The following DDHD1 variants were observed in gnomAD, a reference collection of about 807,000 sequenced individuals.
DDHD1 encodes the protein DDHD domain containing 1.
A neutral mutation model predicts 96.4 loss-of-function variants in DDHD1; 49 were observed. The observed-to-expected ratio is 0.51, with a 90% CI of 0.40 to 0.64. DDHD1 has a LOEUF of 0.64. DDHD1 is among the 30% of genes least tolerant of loss of function. The pLI is 0.00. For synonymous variants in DDHD1, 442 were observed against 446.5 expected, an observed-to-expected ratio of 0.99 and a Z score of 0.13; for missense variants, 1,106 against 1,161.2, an observed-to-expected ratio of 0.95 and a Z score of 0.69.
intron 4 of DDHD1, among the ~76,000 whole-genome samples, chr14:53,074,891 C>A (rs1023719705): frequency 2.6e-5 from 4 of 152,124 alleles, no homozygotes; most frequent in African/African-American, 7.2e-5. Flanking sequence ...GTCTCTGTGT[C>A]ACATTTTGTA....
intron 7 of DDHD1, 23 bp from the exon 8 acceptor site, chr14:53,061,224 A>C (rs778681587): frequency 1.9e-6 from 3 of 1,584,278 alleles, no homozygotes; most frequent in Non-Finnish European, 2.6e-6. Context: ...ATGAGATTAT[A>C]TACACACACG....
intron 4 of DDHD1, among the ~76,000 whole-genome samples, chr14:53,076,765 A>T (rs1305018562): frequency 6.6e-6 from 1 of 152,202 alleles, no homozygotes; most frequent in Non-Finnish European, 1.5e-5. Flanking sequence ...GCAGCCATCA[A>T]CATGGACGCA....
chr14:53,098,649 G>A (rs1373710938), intron 2 of DDHD1, among the ~76,000 whole-genome samples: 1 of 152,068 alleles, frequency 6.6e-6, no homozygotes, highest in Non-Finnish European at 1.5e-5. Context: ...ACCAAAGAGA[G>A]AAGAAAAGGA....
intron 4 of DDHD1, among the ~76,000 whole-genome samples, chr14:53,080,182 A>C (rs1885338279): frequency 6.6e-6 from 1 of 152,194 alleles, no homozygotes; most frequent in Admixed American, 6.5e-5. Flanking sequence ...CAACATGGTG[A>C]AATCCCAACT....
In DDHD1 at chr14:53,073,778, C is replaced by G. The variant is rs1884726483; in HGVS notation, c.1359G>C (p.Leu453=). 2 of 1,610,312 alleles carry G rather than the reference C, an allele frequency of 1.2e-6. No individual in the cohort carries two copies. Among genetic ancestry groups the G allele is most frequent in the East Asian group, 2.2e-5 (1 of 44,662 alleles). The part of the protein sequence containing the change: ...FSNHATHVEF[L]PVEWRSKLTL... ...TAAGTTTTGACCGCCACTCAACAGG[C>G]AGAAATTCAACATGTGTTGCATGGT... Residue 453 remains leucine, a synonymous_variant, in exon 5 of 13, where the codon CTG becomes CTC. Transcript: ENST00000673822.
chr14:53,140,914 G>A (rs139749606), intron 1 of DDHD1, among the ~76,000 whole-genome samples: 16 of 152,228 alleles, frequency 1.1e-4, no homozygotes, highest in Non-Finnish European at 1.9e-4. Context: ...AATCTAGAGT[G>A]GCTATATTAG....
rs1234211521 is a variant in DDHD1 at position 53,051,855 on chromosome 14, T to A, written c.2510A>T (p.Asp837Val). ...GACATATACCATACCGAGGGCATTA[T>A]CTTTATTCTGCATTACATTTTCCGG... ...LFPENVMQNK[D>V]NALVELDHRI... Residue 837 changes from aspartate to valine, a missense_variant, in exon 12 of 13, where the codon GAT (aspartate) becomes GTT (valine). Transcript: ENST00000673822. The A allele has an allele frequency of 6.3e-7, 1 of 1,596,510 alleles. No individual in the cohort carries two copies. The highest frequency in any genetic ancestry group is 8.5e-7 in the Non-Finnish European group (1 of 1,170,024).
intron 9 of DDHD1, among the ~76,000 whole-genome samples, chr14:53,057,012 C>T (rs968606457): frequency 2.6e-5 from 4 of 152,070 alleles, no homozygotes; most frequent in Admixed American, 2.6e-4. Flanking sequence ...TCCTAGAAGG[C>T]AAAATATTAT....
At chr14:53,086,972 C>CAAAA (rs60569444) in intron 4 of DDHD1, among the ~76,000 whole-genome samples, 23 of 52,218 alleles carry the variant, frequency 4.4e-4, no homozygotes, top group South Asian at 9.9e-4. Context: ...AAATGAAAAG[C>CAAAA]AAAAAAAAAA....
At chr14:53,083,802 C>A (rs891750317) in intron 4 of DDHD1, among the ~76,000 whole-genome samples, 1 of 152,114 alleles carries the variant, frequency 6.6e-6, no homozygotes, top group East Asian at 1.9e-4. Flanking sequence ...ATGCAGAATT[C>A]CTTTTTATAT....
chr14:53,137,249 G>A (rs1261910173), intron 1 of DDHD1, among the ~76,000 whole-genome samples: 6 of 152,126 alleles, frequency 3.9e-5, no homozygotes, highest in Non-Finnish European at 1.5e-5. Context: ...CAAGAAAACA[G>A]CAATAGAAAC....
At chr14:53,079,629 A>C (rs754905238) in intron 4 of DDHD1, among the ~76,000 whole-genome samples, 16 of 151,946 alleles carry the variant, frequency 1.1e-4, no homozygotes, top group Non-Finnish European at 1.3e-4. Context: ...TTTATTTTTC[A>C]TTTTAGTAAT....
intron 2 of DDHD1, among the ~76,000 whole-genome samples, chr14:53,101,777 G>C (rs1045101003): frequency 6.6e-6 from 1 of 151,960 alleles, no homozygotes; most frequent in African/African-American, 2.4e-5. Context: ...GCTACATTTA[G>C]CATTTAGGCA....
At chr14:53,133,825 T>C (rs1890045325) in intron 1 of DDHD1, among the ~76,000 whole-genome samples, 2 of 152,120 alleles carry the variant, frequency 1.3e-5, no homozygotes, top group Admixed American at 1.3e-4. Context: ...GAAGACACCC[T>C]AGCTGGATGA....
In DDHD1 at chr14:53,091,726, C is replaced by A. The variant is rs926571842; in HGVS notation, c.1289+59G>T. Reference sequence around the variant, plus strand: ...TAGTATACTGTTAATATCTCTTATACCCTGGATCAAAGTTTGGATTCTAGA... The same window carrying A: ...TAGTATACTGTTAATATCTCTTATAACCTGGATCAAAGTTTGGATTCTAGA... On this transcript the variant is annotated intron_variant, in intron 4 of 12. Coordinates refer to ENST00000673822, the MANE Select transcript of DDHD1 (RefSeq NM_001160148.2). 3.2e-6 allele frequency: 5 copies of A among 1,553,396 alleles called. No individual in the cohort carries two copies. The African/African-American group carries it at 4.1e-5, about 13-fold the overall frequency.
At chr14:53,077,833 A>G (rs1885109841) in intron 4 of DDHD1, among the ~76,000 whole-genome samples, 1 of 152,026 alleles carries the variant, frequency 6.6e-6, no homozygotes, top group Non-Finnish European at 1.5e-5. Flanking sequence ...AGCACCCACT[A>G]ATCTACTTTC....
chr14:53,041,545 C>A lies in DDHD1; in HGVS notation c.*5223G>T, dbSNP rs1595068778. Reference sequence around the variant, plus strand: ...TTGTCATGAATTGATAAAAGGCCCACATAAACACTATGGAAAGGAATGTTA... The same window carrying A: ...TTGTCATGAATTGATAAAAGGCCCAAATAAACACTATGGAAAGGAATGTTA... On this transcript the variant is annotated 3_prime_UTR_variant, in exon 13 of 13. Coordinates refer to ENST00000673822, the MANE Select transcript of DDHD1 (RefSeq NM_001160148.2). 1 of 152,214 alleles carries A rather than the reference C, an allele frequency of 6.6e-6. No individual in the cohort carries two copies. 9.4% of individuals were successfully genotyped at this position (152,214 alleles called of 1,614,324 possible).
Position 53,150,809 on chromosome 14 carries a change from C to T in DDHD1, c.838+1452G>A, listed in dbSNP as rs148158676. ...TTTCTTAATGCCTTCACAAGAGTAC[C>T]GTTATGCACATATAAATATTCTGAA... On this transcript the variant is annotated intron_variant, in intron 1 of 12. Coordinates refer to ENST00000673822, the MANE Select transcript of DDHD1 (RefSeq NM_001160148.2). Among the ~76,000 whole-genome samples the T allele has an allele frequency of 1.1e-3, 172 of 152,138 alleles. 1 individual carries two copies. The highest frequency in any genetic ancestry group is 3.6e-3 in the African/African-American group (149 of 41,502).
At chr14:53,105,381 G>A (rs1286484858) in intron 1 of DDHD1, among the ~76,000 whole-genome samples, 1 of 151,798 alleles carries the variant, frequency 6.6e-6, no homozygotes, top group Non-Finnish European at 1.5e-5. Context: ...GTACTGTGAT[G>A]TATTTAAAAT....
Sources: gnomAD v4.1 joint callset for allele counts (sites outside exome capture counted in the v4.1 genomes callset) on GRCh38, gnomAD v4.1.1 for gene constraint, MANE v1.5 for transcripts, NCBI Gene and HGNC (gene_info 2026-07-23, HGNC 2026-07-21) for gene names.